The following TRPC7 variants were observed in gnomAD, a reference collection of about 807,000 sequenced individuals.
The protein encoded by TRPC7 is short transient receptor potential channel 7.
Under a neutral mutation model 90.1 loss-of-function variants are expected in TRPC7, and 42 were observed. The ratio of observed to expected loss-of-function variants is 0.47; its 90% confidence interval spans 0.36 to 0.60. The LOEUF (loss-of-function observed/expected upper bound fraction) is 0.60. TRPC7 is among the 20% of genes least tolerant of loss of function. The pLI is 0.00. For missense variants in TRPC7, 955 were observed against 1,112.3 expected (o/e 0.86, Z 2.01); for synonymous variants, 451 against 436.3 (o/e 1.03, Z -0.42).
intron 3 of TRPC7, among the ~76,000 whole-genome samples, chr5:136,303,050 C>T (rs559288214): frequency 6.6e-4 from 101 of 152,190 alleles, no homozygotes; most frequent in Non-Finnish European, 1.2e-3. Flanking sequence ...CTCCCCTCCT[C>T]ACACCCGGTC....
At chr5:136,283,249 G>A (rs1334826376) in intron 3 of TRPC7, among the ~76,000 whole-genome samples, 1 of 152,236 alleles carries the variant, frequency 6.6e-6, no homozygotes, top group Non-Finnish European at 1.5e-5. Flanking sequence ...TCCTTGGTGT[G>A]TGGGGTGTCT....
At chr5:136,356,177 G>C (rs1251586225) in intron 2 of TRPC7, among the ~76,000 whole-genome samples, 1 of 152,230 alleles carries the variant, frequency 6.6e-6, no homozygotes, top group Non-Finnish European at 1.5e-5. Context: ...TCCAGGATGA[G>C]AGAGATGTGA....
Position 136,213,515 on chromosome 5 carries a change from G to C in TRPC7, c.2509C>G (p.Leu837Val), listed in dbSNP as rs776755335. 1 of 1,614,040 alleles carries C rather than the reference G, an allele frequency of 6.2e-7. No homozygotes were observed. The highest frequency in any genetic ancestry group is 8.5e-7 in the Non-Finnish European group (1 of 1,179,902). Residue 837 changes from leucine to valine, a missense_variant, in exon 12 of 12, where the codon CTG becomes GTG. Leu to Val is a conservative substitution (Grantham distance 32). Transcript: ENST00000513104. ...KSQATGELAD[L>V]IQQLSEKFGK... Reference sequence around the variant, plus strand: ...AACTTCTCGCTGAGTTGTTGAATCAGGTCTGCCAGCTCACCAGTAGCTTGA... The same window carrying C: ...AACTTCTCGCTGAGTTGTTGAATCACGTCTGCCAGCTCACCAGTAGCTTGA...
chr5:136,309,372 C>T (rs1449030850), intron 3 of TRPC7, among the ~76,000 whole-genome samples: 6 of 152,204 alleles, frequency 3.9e-5, no homozygotes, highest in Admixed American at 3.9e-4. Context: ...CTCCCTCTCC[C>T]ATCTCCCACA....
intron 3 of TRPC7, among the ~76,000 whole-genome samples, chr5:136,288,681 A>AT (rs1757820271): frequency 6.6e-6 from 1 of 152,214 alleles, no homozygotes. Context: ...TGCTCACATC[A>AT]TGCTGAAAGG....
At chr5:136,244,838 A>G (rs184633300) in intron 7 of TRPC7, among the ~76,000 whole-genome samples, 624 of 152,330 alleles carry the variant, frequency 4.1e-3, no homozygotes, top group Non-Finnish European at 6.1e-3. Context: ...TGATTCAACA[A>G]TGTGCTTGGC....
intron 11 of TRPC7, among the ~76,000 whole-genome samples, chr5:136,215,367 G>A (rs10479114): frequency 0.021 from 3,267 of 152,238 alleles, 121 homozygotes; most frequent in African/African-American, 0.072. Flanking sequence ...AGATGTCCCC[G>A]TCCTGATCCC....
chr5:136,246,750 T>C (rs1421611805), intron 7 of TRPC7, among the ~76,000 whole-genome samples: 1 of 152,208 alleles, frequency 6.6e-6, no homozygotes, highest in Non-Finnish European at 1.5e-5. Flanking sequence ...TTCTGTTTTC[T>C]AGGCAACACA....
At chr5:136,303,101 GC>G (rs1758462429) in intron 3 of TRPC7, among the ~76,000 whole-genome samples, 1 of 152,092 alleles carries the variant, frequency 6.6e-6, no homozygotes, top group South Asian at 2.1e-4. Flanking sequence ...TCCCCCACCT[GC>G]CCAGCAATTT....
intron 2 of TRPC7, among the ~76,000 whole-genome samples, chr5:136,327,205 T>C (rs967765409): frequency 6.6e-6 from 1 of 152,136 alleles, no homozygotes. Flanking sequence ...AAAATTGTGA[T>C]AGAGTGACCC....
intron 5 of TRPC7, among the ~76,000 whole-genome samples, chr5:136,260,766 G>A (rs918188397): frequency 6.6e-6 from 1 of 152,202 alleles, no homozygotes; most frequent in Non-Finnish European, 1.5e-5. Context: ...TGAGTCATGG[G>A]GGTGGGAGGG....
At chr5:136,217,374 A>G (rs902659570) in intron 10 of TRPC7, among the ~76,000 whole-genome samples, 5 of 152,210 alleles carry the variant, frequency 3.3e-5, no homozygotes, top group African/African-American at 9.6e-5. Flanking sequence ...CATTATCATC[A>G]ATTATGGTTC....
intron 5 of TRPC7, among the ~76,000 whole-genome samples, chr5:136,264,795 G>A (rs980326692): frequency 6.6e-6 from 1 of 152,128 alleles, no homozygotes; most frequent in Non-Finnish European, 1.5e-5. Flanking sequence ...GTTTCACCAT[G>A]TTGATCAGGC....
intron 4 of TRPC7, 114 bp from the exon 5 acceptor site, chr5:136,266,550 A>G: frequency 5.3e-6 from 5 of 942,486 alleles, no homozygotes; most frequent in Admixed American, 5.1e-5. Context: ...TCTTGGACAG[A>G]AACTGCTAAC....
chr5:136,240,047 G>A (rs936925737), intron 7 of TRPC7, among the ~76,000 whole-genome samples: 4 of 152,136 alleles, frequency 2.6e-5, no homozygotes, highest in Non-Finnish European at 4.4e-5. Flanking sequence ...AGGCCTTAGC[G>A]GAGACTCTAA....
intron 3 of TRPC7, among the ~76,000 whole-genome samples, chr5:136,293,933 C>A (rs1758060738): frequency 2.0e-5 from 3 of 152,086 alleles, no homozygotes. Flanking sequence ...ATACTAGTAC[C>A]AAAACAGAGA....
At chr5:136,338,045 T>C (rs1189263857) in intron 2 of TRPC7, among the ~76,000 whole-genome samples, 8 of 151,960 alleles carry the variant, frequency 5.3e-5, no homozygotes, top group Admixed American at 5.2e-4. Context: ...TGGGAGGGAA[T>C]GGTGGGGAGA....
chr5:136,333,429 G>A (rs1248598694), intron 2 of TRPC7, among the ~76,000 whole-genome samples: 1 of 152,214 alleles, frequency 6.6e-6, no homozygotes, highest in African/African-American at 2.4e-5. Context: ...GTTAGGAGAA[G>A]TTAACAGGAG....
intron 9 of TRPC7, 91 bp from the exon 10 acceptor site, chr5:136,225,445 C>T (rs3734123): frequency 0.46 from 583,142 of 1,269,722 alleles, 135,145 homozygotes; most frequent in South Asian, 0.5. Flanking sequence ...TATCCATATA[C>T]GGGGCTGTCT....
Sources: gnomAD v4.1 joint callset for allele counts (sites outside exome capture counted in the v4.1 genomes callset) on GRCh38, gnomAD v4.1.1 for gene constraint, MANE v1.5 for transcripts, NCBI Gene and HGNC (gene_info 2026-07-23, HGNC 2026-07-21) for gene names.